TENM3: variants seen among roughly 807,000 people sequenced by gnomAD.
TENM3 encodes the protein teneurin transmembrane protein 3, also known as teneurin-3.
A neutral mutation model predicts 255.1 loss-of-function variants in TENM3; 63 were observed. The observed-to-expected ratio is 0.25, with a 90% CI of 0.20 to 0.30. The LOEUF (loss-of-function observed/expected upper bound fraction) is 0.30. Among genes scored for constraint, TENM3 ranks in the 10% least tolerant of loss-of-function variants. TENM3 has a pLI of 1.00. For synonymous variants in TENM3, 1,306 were observed against 1,322.3 expected (o/e 0.99, Z 0.27); for missense variants, 2,929 against 3,461.1 (o/e 0.85, Z 3.86).
intron 3 of TENM3, among the ~76,000 whole-genome samples, chr4:182,504,000 C>G (rs982863270): frequency 6.6e-6 from 1 of 151,300 alleles, no homozygotes; most frequent in South Asian, 2.1e-4. Flanking sequence ...GACATATTAT[C>G]TAATTTACAT....
the TENM3 span, among the ~76,000 whole-genome samples, chr4:182,132,206 G>A: frequency 6.6e-6 from 1 of 152,170 alleles, no homozygotes; most frequent in Non-Finnish European, 1.5e-5. Context: ...TAGGCCGGGC[G>A]CAGTGGCTCA....
the TENM3 span, among the ~76,000 whole-genome samples, chr4:181,787,900 C>T: frequency 3.9e-5 from 6 of 152,120 alleles, no homozygotes; most frequent in Non-Finnish European, 7.3e-5. Context: ...ACTCAGGAGA[C>T]TGAGGCGGAA....
chr4:182,323,729 A>G (rs1047533125), intron 1 of TENM3, among the ~76,000 whole-genome samples: 1 of 152,174 alleles, frequency 6.6e-6, no homozygotes, highest in African/African-American at 2.4e-5. Context: ...TAGCTTCAAT[A>G]AACACTCATA....
intron 1 of TENM3, among the ~76,000 whole-genome samples, chr4:182,314,150 A>C (rs1239944887): frequency 6.6e-6 from 1 of 152,032 alleles, no homozygotes; most frequent in Non-Finnish European, 1.5e-5. Flanking sequence ...AATACAAAAA[A>C]ATTAGCCGGG....
chr4:182,555,119 G>C (rs991949751), intron 3 of TENM3, among the ~76,000 whole-genome samples: 1 of 152,148 alleles, frequency 6.6e-6, no homozygotes, highest in Admixed American at 6.6e-5. Context: ...GTATATTTAG[G>C]AAAGTAAGGA....
the TENM3 span, among the ~76,000 whole-genome samples, chr4:181,678,874 G>A: frequency 8.6e-5 from 13 of 150,436 alleles, no homozygotes; most frequent in African/African-American, 3.2e-4. Context: ...ACATGATTTG[G>A]GGATATCATT....
chr4:182,771,431 A>G (rs1764197232), intron 22 of TENM3, among the ~76,000 whole-genome samples: 1 of 150,572 alleles, frequency 6.6e-6, no homozygotes, highest in Non-Finnish European at 1.5e-5. Context: ...TGGTCCAGTC[A>G]AGAGATAGCG....
At chr4:182,061,021 T>C in the TENM3 span, among the ~76,000 whole-genome samples, 1 of 152,180 alleles carries the variant, frequency 6.6e-6, no homozygotes, top group Non-Finnish European at 1.5e-5. Context: ...ATGGTGTCTG[T>C]CAGGTGAAAT....
intron 3 of TENM3, among the ~76,000 whole-genome samples, chr4:182,566,996 G>A (rs760716114): frequency 5.3e-5 from 8 of 152,078 alleles, no homozygotes; most frequent in African/African-American, 7.2e-5. Context: ...GATAATTAAA[G>A]TAATGAAGCA....
the TENM3 span, among the ~76,000 whole-genome samples, chr4:182,001,087 C>T: frequency 6.6e-6 from 1 of 150,458 alleles, no homozygotes; most frequent in Non-Finnish European, 1.5e-5. Flanking sequence ...CTACCTTCAC[C>T]ACCACCACCC....
the TENM3 span, among the ~76,000 whole-genome samples, chr4:182,023,735 C>T: frequency 3.9e-5 from 6 of 152,124 alleles, no homozygotes; most frequent in Non-Finnish European, 5.9e-5. Context: ...GAACAATATA[C>T]CACAAAGGAA....
chr4:182,621,931 C>T (rs1750314950), intron 4 of TENM3, among the ~76,000 whole-genome samples: 1 of 147,882 alleles, frequency 6.8e-6, no homozygotes, highest in Non-Finnish European at 1.5e-5. Context: ...GCTGTCTTCA[C>T]ACCACTGTGC....
At chr4:182,322,238 T>C (rs991459897) in intron 1 of TENM3, among the ~76,000 whole-genome samples, 1 of 152,086 alleles carries the variant, frequency 6.6e-6, no homozygotes, top group Non-Finnish European at 1.5e-5. Flanking sequence ...AAGACAAAGG[T>C]AGAGAAATCA....
At chr4:182,509,656 G>A (rs1560848308) in intron 3 of TENM3, among the ~76,000 whole-genome samples, 2 of 152,244 alleles carry the variant, frequency 1.3e-5, no homozygotes, top group East Asian at 3.9e-4. Context: ...GTAAAAAATG[G>A]GTCAGACGCA....
intron 1 of TENM3, among the ~76,000 whole-genome samples, chr4:182,208,875 T>C (rs1716499175): frequency 6.6e-6 from 1 of 152,236 alleles, no homozygotes; most frequent in Admixed American, 6.5e-5. Flanking sequence ...GGTCAAAGTA[T>C]ATTTCCTATC....
chr4:182,589,847 G>A (rs1361523024), intron 3 of TENM3, among the ~76,000 whole-genome samples: 3 of 151,960 alleles, frequency 2.0e-5, no homozygotes, highest in South Asian at 2.1e-4. Flanking sequence ...GGTGGTGTGC[G>A]CCTGTAATCA....
intron 3 of TENM3, among the ~76,000 whole-genome samples, chr4:182,362,134 G>C (rs1296923963): frequency 6.6e-6 from 1 of 152,180 alleles, no homozygotes; most frequent in East Asian, 1.9e-4. Context: ...CCTACTGGGG[G>C]GTGCCTCCCA....
At chr4:181,869,559 T>C in the TENM3 span, among the ~76,000 whole-genome samples, 1 of 152,120 alleles carries the variant, frequency 6.6e-6, no homozygotes, top group Non-Finnish European at 1.5e-5. Flanking sequence ...CTCCATGATA[T>C]TTTTCACATT....
At chr4:181,821,322 G>A in the TENM3 span, among the ~76,000 whole-genome samples, 1 of 152,082 alleles carries the variant, frequency 6.6e-6, no homozygotes, top group Non-Finnish European at 1.5e-5. Context: ...AGATTCCACT[G>A]GAAGGAAACA....
Sources: gnomAD v4.1 joint callset for allele counts (sites outside exome capture counted in the v4.1 genomes callset) on GRCh38, gnomAD v4.1.1 for gene constraint, MANE v1.5 for transcripts, NCBI Gene and HGNC (gene_info 2026-07-23, HGNC 2026-07-21) for gene names.